Variants in NFIB observed in about 807,000 individuals in gnomAD.
The protein encoded by NFIB is nuclear factor 1 B-type.
Under a neutral mutation model 61.5 loss-of-function variants are expected in NFIB, and 11 were observed. The observed-to-expected ratio is 0.18, with a 90% CI of 0.11 to 0.30. NFIB has a LOEUF of 0.30. NFIB is among the 10% of genes least tolerant of loss of function. The pLI is 1.00. For missense variants in NFIB, 471 were observed against 608.9 expected, an observed-to-expected ratio of 0.77 and a Z score of 2.38; for synonymous variants, 260 against 216.5, an observed-to-expected ratio of 1.20 and a Z score of -1.76.
At chr9:14,113,750 C>T (rs1483284383) in intron 9 of NFIB, among the ~76,000 whole-genome samples, 1 of 152,118 alleles carries the variant, frequency 6.6e-6, no homozygotes, top group African/African-American at 2.4e-5. Context: ...TGTAACTGAT[C>T]CAGGAAGAAA....
intron 1 of NFIB, among the ~76,000 whole-genome samples, chr9:14,360,746 T>G (rs559476152): frequency 6.6e-5 from 10 of 152,028 alleles, no homozygotes; most frequent in East Asian, 3.9e-4. Context: ...GGGTTTCACC[T>G]TGTTAGCCAG....
At chr9:14,255,771 G>A (rs2056161473) in intron 2 of NFIB, among the ~76,000 whole-genome samples, 1 of 152,212 alleles carries the variant, frequency 6.6e-6, no homozygotes. Flanking sequence ...GTCTTGGTGT[G>A]TTTTGTGAAG....
chr9:14,513,790 G>C, the NFIB span, among the ~76,000 whole-genome samples: 1 of 151,844 alleles, frequency 6.6e-6, no homozygotes, highest in South Asian at 2.1e-4. Flanking sequence ...CTCTCTTTGT[G>C]ACCTTAAGCA....
the NFIB span, among the ~76,000 whole-genome samples, chr9:14,488,180 A>C: frequency 3.3e-5 from 5 of 152,086 alleles, no homozygotes; most frequent in Non-Finnish European, 5.9e-5. Flanking sequence ...ATTGGGCAAC[A>C]TAATGAGACT....
At chr9:14,208,085 CTAAA>C (rs2049931791) in intron 2 of NFIB, among the ~76,000 whole-genome samples, 3 of 152,186 alleles carry the variant, frequency 2.0e-5, no homozygotes, top group Non-Finnish European at 2.9e-5. Context: ...TTCCCACTCC[CTAAA>C]TAGTTTTATA....
the NFIB span, among the ~76,000 whole-genome samples, chr9:14,418,125 C>T: frequency 4.1e-4 from 62 of 152,250 alleles, no homozygotes; most frequent in African/African-American, 1.4e-3. Flanking sequence ...TGTTAATGTA[C>T]TCATTAAAGT....
chr9:14,475,981 T>A, the NFIB span, among the ~76,000 whole-genome samples: 1 of 151,986 alleles, frequency 6.6e-6, no homozygotes, highest in Admixed American at 6.6e-5. Context: ...AAAAATAAAT[T>A]TGACAATAAA....
At chr9:14,233,619 C>T (rs770076264) in intron 2 of NFIB, among the ~76,000 whole-genome samples, 5 of 151,746 alleles carry the variant, frequency 3.3e-5, no homozygotes, top group African/African-American at 7.3e-5. Flanking sequence ...TAGTAGAGAC[C>T]GGGTTTTGCC....
chr9:14,373,232 T>G (rs1224987160), intron 1 of NFIB, among the ~76,000 whole-genome samples: 6 of 152,244 alleles, frequency 3.9e-5, no homozygotes, highest in Non-Finnish European at 8.8e-5. Flanking sequence ...GACCTAACAA[T>G]TTATTGTTGG....
chr9:14,358,200 C>T (rs986882299), intron 1 of NFIB, among the ~76,000 whole-genome samples: 8 of 148,150 alleles, frequency 5.4e-5, no homozygotes, highest in African/African-American at 1.5e-4. Context: ...TGATATATAA[C>T]TCATATATCA....
chr9:14,530,886 A>G, the NFIB span, among the ~76,000 whole-genome samples: 2 of 152,154 alleles, frequency 1.3e-5, no homozygotes, highest in Non-Finnish European at 2.9e-5. Flanking sequence ...AAGACAGAAA[A>G]GGAAAGGGGC....
At chr9:14,377,130 G>C (rs1037123174) in intron 1 of NFIB, among the ~76,000 whole-genome samples, 1 of 152,216 alleles carries the variant, frequency 6.6e-6, no homozygotes, top group African/African-American at 2.4e-5. Flanking sequence ...GCATGCTTAA[G>C]TATACACAAG....
intron 2 of NFIB, among the ~76,000 whole-genome samples, chr9:14,260,330 C>A (rs1160770906): frequency 6.6e-6 from 1 of 152,178 alleles, no homozygotes; most frequent in Non-Finnish European, 1.5e-5. Context: ...AATCCAAGCA[C>A]TCACTATGAC....
In NFIB at chr9:14,222,261, C is replaced by A. The variant is rs1462729404; in HGVS notation, c.563-42481G>T. ...CTGGCAGAAACTCCCCATTATCTAC[C>A]ATGGAAGGCAGAATTCTAAGATGGC... is the stretch of plus-strand genomic sequence containing the variant. On this transcript the variant is annotated intron_variant, in intron 2 of 10. Transcript: ENST00000380953. Among the ~76,000 whole-genome samples the A allele has an allele frequency of 2.0e-5, 3 of 152,112 alleles. No homozygotes were observed. In the South Asian group the frequency reaches 6.2e-4, roughly 32 times the overall value.
chr9:14,230,366 T>C (rs904894380), intron 2 of NFIB, among the ~76,000 whole-genome samples: 6 of 152,194 alleles, frequency 3.9e-5, no homozygotes, highest in Non-Finnish European at 8.8e-5. Context: ...TATTAACAAA[T>C]ATTTGTTTAA....
chr9:14,527,558 AC>A, the NFIB span, among the ~76,000 whole-genome samples: 8 of 152,054 alleles, frequency 5.3e-5, no homozygotes, highest in African/African-American at 1.7e-4. Flanking sequence ...GATGTCGATC[AC>A]CCCCCTCCAT....
chr9:14,116,149 G>A (rs1351520536), intron 9 of NFIB, 59 bp downstream of exon 9: 1 of 1,417,816 alleles, frequency 7.1e-7, no homozygotes, highest in Admixed American at 2.6e-5. Context: ...TGCCTCTGAT[G>A]GACATTTCTC....
chr9:14,228,644 A>G (rs2052742216), intron 2 of NFIB, among the ~76,000 whole-genome samples: 1 of 152,214 alleles, frequency 6.6e-6, no homozygotes, highest in Admixed American at 6.5e-5. Context: ...ATTGCTTGCA[A>G]ATTGAGGTAT....
the NFIB span, among the ~76,000 whole-genome samples, chr9:14,421,092 A>G: frequency 4.2e-4 from 64 of 152,008 alleles, 1 homozygote; most frequent in African/African-American, 1.5e-3. Context: ...GGCAAAAAAA[A>G]AAAAAATAAG....
Sources: allele counts gnomAD v4.1 joint callset (sites outside exome capture counted in the v4.1 genomes callset), GRCh38; gene constraint gnomAD v4.1.1; transcripts MANE v1.5; gene names NCBI Gene and HGNC (gene_info 2026-07-23, HGNC 2026-07-21).